The following XRN1 variants were observed in gnomAD, a reference collection of about 807,000 sequenced individuals.
The protein encoded by XRN1 is 5'-3' exoribonuclease 1, also known as strand-exchange protein 1 homolog.
A neutral mutation model predicts 222.3 loss-of-function variants in XRN1; 67 were observed. The ratio of observed to expected loss-of-function variants is 0.30; its 90% CI spans 0.25 to 0.37. The LOEUF (loss-of-function observed/expected upper bound fraction) is 0.37, where lower values mean the gene tolerates loss of function less well. Ranked by LOEUF, XRN1 falls within the 10% of genes least tolerant of loss-of-function variation. The pLI is 1.00. For synonymous variants in XRN1, 643 were observed against 652.4 expected, an observed-to-expected ratio of 0.99 and a Z score of 0.22; for missense variants, 1,707 against 2,000.2, an observed-to-expected ratio of 0.85 and a Z score of 2.80.
In XRN1 at chr3:142,344,057, T is replaced by TA. The variant is rs947431826; in HGVS notation, c.3877+3176dup. Reference sequence around the variant, plus strand: ...TTAAAAACGACTGAACTCATGAAAATAGAGTAGAAGGATGGTTACTAGAGG... The same window carrying TA: ...TTAAAAACGACTGAACTCATGAAAATAAGAGTAGAAGGATGGTTACTAGAGG... On this transcript the variant is annotated intron_variant, in intron 33 of 40. Coordinates refer to ENST00000392981, the MANE Select transcript of XRN1 (RefSeq NM_001282857.2). Among the ~76,000 whole-genome samples the TA allele has an allele frequency of 1.3e-3, 165 of 125,958 alleles. 1 individual carries two copies. Among genetic ancestry groups the TA allele is most frequent in the Non-Finnish European group, 7.3e-4 (47 of 64,362 alleles). 82.6% of individuals were successfully genotyped at this position (125,958 alleles called of 152,430 possible). A position where few individuals can be genotyped will look rare whatever the true frequency, so the allele number is the denominator to read the frequency against.
chr3:142,359,977 T>C (rs755625214), intron 29 of XRN1, 46 bp from the exon 30 acceptor site: 5 of 1,370,142 alleles, frequency 3.6e-6, no homozygotes, highest in Admixed American at 2.1e-5. Flanking sequence ...AATCATATGA[T>C]GAAAAATCAA....
chr3:142,439,875 G>A (rs1346083850), intron 1 of XRN1, among the ~76,000 whole-genome samples: 3 of 152,170 alleles, frequency 2.0e-5, no homozygotes, highest in African/African-American at 7.2e-5. Flanking sequence ...GGTCCGCAAG[G>A]ACACTTTAAA....
intron 27 of XRN1, 91 bp downstream of exon 27, chr3:142,370,394 T>C: frequency 7.0e-7 from 1 of 1,422,228 alleles, no homozygotes; most frequent in Admixed American, 2.6e-5. Flanking sequence ...GTATATGTTT[T>C]ATTTGGTTGA....
chr3:142,443,655 AAAACAAAC>A (rs966685888), intron 1 of XRN1, among the ~76,000 whole-genome samples: 10 of 152,216 alleles, frequency 6.6e-5, no homozygotes, highest in African/African-American at 2.4e-4. Flanking sequence ...TGCAACTGCA[AAAACAAAC>A]AAACAAACAA....
chr3:142,424,672 T>G (rs753172150), intron 5 of XRN1, among the ~76,000 whole-genome samples: 2 of 152,074 alleles, frequency 1.3e-5, no homozygotes, highest in East Asian at 3.9e-4. Context: ...ATGAAACATA[T>G]ACAAATTAAT....
At chr3:142,414,052 T>A in intron 14 of XRN1, 83 bp downstream of exon 14, 2 of 1,319,684 alleles carry the variant, frequency 1.5e-6, no homozygotes, top group Non-Finnish European at 2.0e-6. Flanking sequence ...ACCAAATAAA[T>A]TTGAGTATTA....
chr3:142,351,365 T>C (rs968818780), intron 32 of XRN1, among the ~76,000 whole-genome samples: 1 of 152,020 alleles, frequency 6.6e-6, no homozygotes, highest in African/African-American at 2.4e-5. Context: ...GAGAACTGAG[T>C]GATCAACTGT....
At chr3:142,436,602 T>C (rs9829125) in intron 1 of XRN1, among the ~76,000 whole-genome samples, 63,007 of 151,998 alleles carry the variant, frequency 0.41, 12,936 homozygotes, top group Middle Eastern at 0.48. Flanking sequence ...AAAGATGAAG[T>C]ATAAAATATT....
At chr3:142,349,958 G>A (rs1186719794) in intron 32 of XRN1, among the ~76,000 whole-genome samples, 1 of 152,084 alleles carries the variant, frequency 6.6e-6, no homozygotes, top group Non-Finnish European at 1.5e-5. Flanking sequence ...TATTTGTAGT[G>A]AGAGAAAAAA....
chr3:142,336,670 A>C (rs1289693583), intron 33 of XRN1, among the ~76,000 whole-genome samples: 1 of 152,066 alleles, frequency 6.6e-6, no homozygotes, highest in Non-Finnish European at 1.5e-5. Flanking sequence ...TAAGGAAGAG[A>C]GGAAGGGAAG....
intron 29 of XRN1, among the ~76,000 whole-genome samples, chr3:142,361,952 T>C (rs902669702): frequency 3.4e-5 from 5 of 144,988 alleles, no homozygotes; most frequent in African/African-American, 1.3e-4. Flanking sequence ...TTGTTTCTTT[T>C]CTTTTTCTCT....
intron 1 of XRN1, among the ~76,000 whole-genome samples, chr3:142,436,212 C>T (rs536927685): frequency 7.8e-4 from 118 of 152,180 alleles, no homozygotes; most frequent in African/African-American, 2.8e-3. Context: ...CATTTTCCCA[C>T]ATTAGTAAAA....
At chr3:142,400,832 G>A (rs369289872) in intron 18 of XRN1, among the ~76,000 whole-genome samples, 1 of 152,046 alleles carries the variant, frequency 6.6e-6, no homozygotes, top group Non-Finnish European at 1.5e-5. Flanking sequence ...CAGCAGAATC[G>A]CTTGAACCCA....
intron 1 of XRN1, chr3:142,435,871 G>A (rs2069872848): frequency 6.6e-6 from 1 of 151,246 alleles, no homozygotes; most frequent in East Asian, 2.0e-4. Flanking sequence ...AGACCATTCT[G>A]TGAATGGTGA....
chr3:142,318,704 T>C lies in XRN1; in HGVS notation c.4519-10A>G. 3 of 1,609,798 alleles carry C rather than the reference T, an allele frequency of 1.9e-6. No homozygotes were observed. The highest frequency in any genetic ancestry group is 2.5e-6 in the Non-Finnish European group (3 of 1,177,778). The stretch of plus-strand genomic sequence containing the variant: ...TCATGCCTAAGGAGCCCTGTGGAAG[T>C]ATTTAAAAGTTACAAGACAATGCAA... On this transcript the variant is annotated splice_polypyrimidine_tract_variant and intron_variant, in intron 38 of 40. Transcript: ENST00000392981.
chr3:142,360,936 A>C (rs781220157), intron 29 of XRN1, among the ~76,000 whole-genome samples: 1 of 151,988 alleles, frequency 6.6e-6, no homozygotes, highest in Non-Finnish European at 1.5e-5. Flanking sequence ...CTGACATATG[A>C]TACACTGCAC....
In XRN1 at chr3:142,426,849, GT is replaced by G; in HGVS notation, c.309-9del. The G allele has an allele frequency of 6.2e-7, 1 of 1,610,256 alleles. No individual in the cohort carries two copies. Among genetic ancestry groups the G allele is most frequent in the Non-Finnish European group, 8.5e-7 (1 of 1,178,626 alleles). ...TCTGCCTCCTTTGCTGACCTTAAAG[GT>G]TAAGGGAAAAAAGTACCTTAAGTTT... On this transcript the variant is annotated splice_polypyrimidine_tract_variant and intron_variant, in intron 2 of 40. Transcript: ENST00000392981.
chr3:142,373,241 T>G (rs1577316711), intron 25 of XRN1, among the ~76,000 whole-genome samples: 1 of 152,090 alleles, frequency 6.6e-6, no homozygotes, highest in East Asian at 1.9e-4. Context: ...TTAAAATGAT[T>G]AAATCAAATA....
At chr3:142,445,524 T>G (rs928931976) in intron 1 of XRN1, among the ~76,000 whole-genome samples, 2 of 152,244 alleles carry the variant, frequency 1.3e-5, no homozygotes, top group African/African-American at 4.8e-5. Flanking sequence ...GGAATATAAG[T>G]TCACAAAGCT....
Sources: gnomAD v4.1 joint callset for allele counts (sites outside exome capture counted in the v4.1 genomes callset) on GRCh38, gnomAD v4.1.1 for gene constraint, MANE v1.5 for transcripts, NCBI Gene and HGNC (gene_info 2026-07-23, HGNC 2026-07-21) for gene names.